Variants in ADCK1 observed in about 807,000 individuals in gnomAD.
The protein encoded by ADCK1 is aarF domain containing kinase 1.
ADCK1 carries 41 observed loss-of-function variants against 52.3 expected under a neutral mutation model. The observed-to-expected ratio is 0.78, with a 90% CI of 0.61 to 1.02. The LOEUF is 1.02. ADCK1 is among the 50% of genes least tolerant of loss of function. The pLI is 0.00. For missense variants in ADCK1, 658 were observed against 679.5 expected, an observed-to-expected ratio of 0.97 and a Z score of 0.35; for synonymous variants, 250 against 274.6, an observed-to-expected ratio of 0.91 and a Z score of 0.89.
Position 77,859,240 on chromosome 14 carries a change from A to G in ADCK1, c.384A>G (p.Gln128=), listed in dbSNP as rs1251732085. 1 of 1,613,926 alleles carries G rather than the reference A, an allele frequency of 6.2e-7. No individual in the cohort carries two copies. The change falls in exon 4 of 11, where the codon CAA becomes CAG. Residue 128 remains glutamine (Q), a synonymous_variant. Transcript: ENST00000238561. ...GCCAGGCTCCACAGAGCAGCATGCA[A>G]GAGATCCGCCAGGTCATCCGAGAAG... ...LHSQAPQSSM[Q]EIRQVIREDL... is the part of the protein sequence containing the mutation.
At chr14:77,856,178 C>T (rs571198339) in intron 3 of ADCK1, among the ~76,000 whole-genome samples, 1 of 152,278 alleles carries the variant, frequency 6.6e-6, no homozygotes, top group Non-Finnish European at 1.5e-5. Context: ...CCATTGCACT[C>T]CAGCCTGGGC....
At chr14:77,919,397 C>T (rs968126919) in intron 7 of ADCK1, among the ~76,000 whole-genome samples, 3 of 152,204 alleles carry the variant, frequency 2.0e-5, no homozygotes, top group East Asian at 1.9e-4. Context: ...ATTCCATCTA[C>T]GTTGCTGCAA....
chr14:77,844,096 C>A (rs2082127812), intron 3 of ADCK1, among the ~76,000 whole-genome samples: 1 of 151,820 alleles, frequency 6.6e-6, no homozygotes, highest in South Asian at 2.1e-4. Context: ...GAGACAGAGT[C>A]TCACTCTGTT....
intron 3 of ADCK1, among the ~76,000 whole-genome samples, chr14:77,823,239 A>C (rs1249890676): frequency 6.6e-6 from 1 of 152,140 alleles, no homozygotes; most frequent in Non-Finnish European, 1.5e-5. Flanking sequence ...TGGCTCCTCC[A>C]GAGAGAGGTT....
At chr14:77,881,083 C>T (rs1279754345) in intron 4 of ADCK1, among the ~76,000 whole-genome samples, 2 of 152,202 alleles carry the variant, frequency 1.3e-5, no homozygotes, top group East Asian at 3.8e-4. Context: ...TTCCACATAA[C>T]AAATTACCCA....
chr14:77,902,022 A>T (rs1595058405), intron 6 of ADCK1, among the ~76,000 whole-genome samples: 1 of 152,262 alleles, frequency 6.6e-6, no homozygotes, highest in Middle Eastern at 3.4e-3. Flanking sequence ...CTTGGGGAGG[A>T]TGGCTCAGAA....
chr14:77,814,830 C>A (rs528000109), intron 1 of ADCK1, among the ~76,000 whole-genome samples: 39 of 151,464 alleles, frequency 2.6e-4, no homozygotes, highest in African/African-American at 8.7e-4. Flanking sequence ...AGTTCGGTGG[C>A]CCATGGGGTG....
intron 4 of ADCK1, among the ~76,000 whole-genome samples, chr14:77,868,572 C>G (rs1484191721): frequency 6.6e-6 from 1 of 152,162 alleles, no homozygotes; most frequent in African/African-American, 2.4e-5. Context: ...AATGTGCTCA[C>G]CAGTTCACTC....
chr14:77,857,875 T>C lies in ADCK1; in HGVS notation c.220-1201T>C, dbSNP rs560357894. 2.0e-5 allele frequency among the ~76,000 whole-genome samples: 3 copies of C among 152,296 alleles called. No individual in the cohort carries two copies. The South Asian group carries it at 6.2e-4, about 32-fold the overall frequency. ...AGGCAGGTACCAGGTCCCCACAGGG[T>C]ACTGGGGTCCCTTGTCTTCTGCATG... On this transcript the variant is annotated intron_variant, in intron 3 of 10. Transcript: ENST00000238561.
chr14:77,847,901 G>A, intron 3 of ADCK1, among the ~76,000 whole-genome samples: 1 of 152,144 alleles, frequency 6.6e-6, no homozygotes, highest in Non-Finnish European at 1.5e-5. Context: ...CAGTTCCCGG[G>A]AGCCCAGACG....
chr14:77,848,071 A>G (rs1862125), intron 3 of ADCK1, among the ~76,000 whole-genome samples: 20,770 of 152,118 alleles, frequency 0.14, 1,494 homozygotes, highest in Middle Eastern at 0.19. Flanking sequence ...TCTTTTAAAA[A>G]TTTTTTAAAA....
At chr14:77,821,533 G>C (rs1594875722) in intron 2 of ADCK1, among the ~76,000 whole-genome samples, 1 of 152,002 alleles carries the variant, frequency 6.6e-6, no homozygotes, top group Non-Finnish European at 1.5e-5. Flanking sequence ...CTAGGATATC[G>C]TGGAGATTGG....
At chr14:77,882,061 G>A (rs1459060815) in intron 4 of ADCK1, among the ~76,000 whole-genome samples, 2 of 152,128 alleles carry the variant, frequency 1.3e-5, no homozygotes. Flanking sequence ...TGGAGAGGTG[G>A]TGGTGGGTTT....
intron 3 of ADCK1, among the ~76,000 whole-genome samples, chr14:77,846,581 G>C (rs891740127): frequency 6.6e-6 from 1 of 152,178 alleles, no homozygotes; most frequent in Non-Finnish European, 1.5e-5. Context: ...TCCATATCCT[G>C]ACTGGTTTTT....
At chr14:77,830,374 C>T (rs8018233) in intron 3 of ADCK1, among the ~76,000 whole-genome samples, 23,695 of 150,996 alleles carry the variant, frequency 0.16, 2,598 homozygotes, top group African/African-American at 0.21. Context: ...AGGATGGTCT[C>T]GAACTCCTGA....
intron 5 of ADCK1, among the ~76,000 whole-genome samples, chr14:77,897,930 G>A (rs574028027): frequency 8.5e-5 from 13 of 152,126 alleles, no homozygotes; most frequent in Non-Finnish European, 1.9e-4. Context: ...TTCTAGCTCG[G>A]TACTTCCTTG....
Position 77,810,733 on chromosome 14 carries a change from G to A in ADCK1, c.-11-8235G>A, listed in dbSNP as rs1249641500. ...TTTTTAGTAGAGACGGGGTTTCACC[G>A]TGTTAGCCAGGATGGTCTCGATCTT... is the stretch of plus-strand genomic sequence containing the variant. On this transcript the variant is annotated intron_variant, in intron 1 of 10. Coordinates refer to ENST00000238561, the MANE Select transcript of ADCK1 (RefSeq NM_020421.4). Among the ~76,000 whole-genome samples the A allele has an allele frequency of 4.6e-5, 7 of 152,006 alleles. No individual in the cohort carries two copies. The East Asian group carries it at 7.8e-4, about 17-fold the overall frequency.
chr14:77,810,055 A>G (rs1190281160), intron 1 of ADCK1, among the ~76,000 whole-genome samples: 1 of 140,662 alleles, frequency 7.1e-6, no homozygotes, highest in Non-Finnish European at 1.6e-5. Flanking sequence ...AAAAAAAAAA[A>G]AAATTACAAG....
chr14:77,889,902 A>C (rs75753059), intron 5 of ADCK1, among the ~76,000 whole-genome samples: 10,885 of 150,382 alleles, frequency 0.072, 514 homozygotes, highest in South Asian at 0.16. Context: ...AAAAAAAAAA[A>C]AACAGAAGAA....
Sources: allele counts gnomAD v4.1 joint callset (sites outside exome capture counted in the v4.1 genomes callset), GRCh38; gene constraint gnomAD v4.1.1; transcripts MANE v1.5; gene names NCBI Gene and HGNC (gene_info 2026-07-23, HGNC 2026-07-21).